FNDC1: variants seen among roughly 807,000 people sequenced by gnomAD.
FNDC1 encodes the protein fibronectin type III domain containing 1.
In FNDC1, 96 loss-of-function variants were observed where a neutral mutation model predicts 168.0. That is an observed-to-expected ratio of 0.57 (90% CI 0.48 to 0.68). The LOEUF (loss-of-function observed/expected upper bound fraction) is 0.68, where lower values mean the gene tolerates loss of function less well. Ranked by LOEUF, FNDC1 falls within the 30% of genes least tolerant of loss-of-function variation. FNDC1 has a pLI of 0.00. For synonymous variants in FNDC1, 1,099 were observed against 1,025.9 expected (o/e 1.07, Z -1.36); for missense variants, 2,587 against 2,482.1 (o/e 1.04, Z -0.90).
rs762034692 is a variant in FNDC1 at position 159,215,200 on chromosome 6, C to A, written c.667+49C>A. 6 of 1,528,342 alleles carry A rather than the reference C, an allele frequency of 3.9e-6. No individual in the cohort carries two copies. In the Admixed American group the frequency reaches 5.1e-5, roughly 13 times the overall value. The allele number at this position is 1,528,342 out of a possible 1,614,324, so 94.7% of individuals were successfully genotyped here. A position where few individuals can be genotyped will look rare whatever the true frequency, so the allele number is the denominator to read the frequency against. Reference sequence around the variant, plus strand: ...TCAATGTTTCCATGGTCTTTGGGATCATTTCAATATTTAGAAGCTCATTCA... The same window carrying A: ...TCAATGTTTCCATGGTCTTTGGGATAATTTCAATATTTAGAAGCTCATTCA... On this transcript the variant is annotated intron_variant, in intron 5 of 22. Transcript: ENST00000297267.
rs768828545 is a variant in FNDC1 at position 159,251,445 on chromosome 6, C to T, written c.4978C>T (p.Arg1660Cys). 29 of 1,613,806 alleles carry T rather than the reference C, an allele frequency of 1.8e-5. 1 individual carries two copies. The highest frequency in any genetic ancestry group is 8.8e-5 in the South Asian group (8 of 91,050). The change falls in exon 17 of 23, where the codon CGC (arginine) becomes TGC (cysteine). Residue 1660 changes from arginine (R) to cysteine (C), a missense_variant. Arg to Cys is a radical substitution (Grantham distance 180, BLOSUM62 -3). Coordinates refer to ENST00000297267, the MANE Select transcript of FNDC1 (RefSeq NM_032532.3). Reference protein sequence around the residue: ...KSDLPPQHAPRNITVVAVEGC... With the variant: ...KSDLPPQHAPCNITVVAVEGC... Reference sequence around the variant, plus strand: ...TGACCTGCCTCCCCAGCATGCTCCCCGCAACATCACCGTGGTGGCCGTGGA... The same window carrying T: ...TGACCTGCCTCCCCAGCATGCTCCCTGCAACATCACCGTGGTGGCCGTGGA...
Position 159,216,454 on chromosome 6 carries a change from C to A in FNDC1, c.667+1303C>A, listed in dbSNP as rs141285557. On this transcript the variant is annotated intron_variant, in intron 5 of 22. Coordinates refer to ENST00000297267, the MANE Select transcript of FNDC1 (RefSeq NM_032532.3). ...GGAGGGAGTTCTGATCTTTGCAGGC[C>A]GTATTCATCCATAAGCCTGGATAGC... Among the ~76,000 whole-genome samples, 12 of 152,260 alleles carry A rather than the reference C, an allele frequency of 7.9e-5. No individual in the cohort carries two copies. The East Asian group carries it at 1.7e-3, about 22-fold the overall frequency.
intron 2 of FNDC1, among the ~76,000 whole-genome samples, chr6:159,197,953 C>T (rs970270240): frequency 1.4e-4 from 22 of 152,322 alleles, no homozygotes; most frequent in Admixed American, 1.2e-3. Context: ...TGCTAGACAA[C>T]TGAGTGGGCT....
chr6:159,207,548 T>TTCA (rs746211985), intron 4 of FNDC1, among the ~76,000 whole-genome samples: 28 of 152,232 alleles, frequency 1.8e-4, no homozygotes, highest in Non-Finnish European at 4.0e-4. Flanking sequence ...GGTGTGGGTC[T>TTCA]GTGATACCTC....
chr6:159,207,944 G>A (rs1460289474), intron 4 of FNDC1, among the ~76,000 whole-genome samples: 2 of 152,202 alleles, frequency 1.3e-5, no homozygotes, highest in South Asian at 2.1e-4. Context: ...GGCCATCTCT[G>A]TGTTATACTG....
rs2115009757 is a variant in FNDC1, at chr6:159,246,923, T to C, written c.4644T>C (p.Thr1548=). The C allele has an allele frequency of 6.2e-7, 1 of 1,613,256 alleles. No homozygotes were observed. The highest frequency in any genetic ancestry group is 8.5e-7 in the Non-Finnish European group (1 of 1,179,194). Residue 1548 remains threonine, a synonymous_variant, in exon 15 of 23, where the codon ACT becomes ACC. Transcript: ENST00000297267. Reference sequence around the variant, plus strand: ...TAGATGAGTTCTCAGGCTTGGAGACTGACACTGCAGTACCTACGGAAGAGG... The same window carrying C: ...TAGATGAGTTCTCAGGCTTGGAGACCGACACTGCAGTACCTACGGAAGAGG... ...AEEDEFSGLE[T]DTAVPTEEAY... is the part of the protein sequence containing the mutation.
chr6:159,267,576 A>G (rs1265000253), intron 21 of FNDC1, among the ~76,000 whole-genome samples: 1 of 152,164 alleles, frequency 6.6e-6, no homozygotes, highest in African/African-American at 2.4e-5. Flanking sequence ...TGTAATTCCA[A>G]CTTACTGGAC....
chr6:159,232,986 T>G lies in FNDC1; in HGVS notation c.2474T>G (p.Phe825Cys). 6.2e-7 allele frequency: 1 copy of G among 1,612,188 alleles called. No homozygotes were observed. ...TTCCATTTGCTCAGACACAAACCCT[T>G]TGCTGCCAACGGGAGGTCTCCAAGC... ...GHFHLLRHKP[F>C]AANGRSPSRF... The change falls in exon 11 of 23, where the codon TTT becomes TGT. Residue 825 changes from phenylalanine to cysteine, a missense_variant. Physicochemically the swap from Phe to Cys is radical, Grantham distance 205. Transcript: ENST00000297267. This position sits in a 1 kb window ranked among gnomAD's most constrained non-coding sequence, Gnocchi z 4.9.
intron 19 of FNDC1, among the ~76,000 whole-genome samples, chr6:159,262,926 A>G (rs1777515446): frequency 6.6e-6 from 1 of 152,236 alleles, no homozygotes; most frequent in Non-Finnish European, 1.5e-5. Flanking sequence ...AGTTTATTCA[A>G]GTTTCTCCTT....
At chr6:159,170,294 C>G (rs946630870) in intron 1 of FNDC1, among the ~76,000 whole-genome samples, 1 of 152,166 alleles carries the variant, frequency 6.6e-6, no homozygotes, top group African/African-American at 2.4e-5. Context: ...AACGTTCAAG[C>G]TGGGAGAAAA....
chr6:159,227,644 CTCTT>C (rs1329035566), intron 9 of FNDC1, among the ~76,000 whole-genome samples: 1 of 106,220 alleles, frequency 9.4e-6, no homozygotes, highest in African/African-American at 5.4e-5. Context: ...ATTCTTCTTT[CTCTT>C]TTTTTTTTTT....
At chr6:159,251,175 G>A (rs1254135045) in intron 16 of FNDC1, 127 bp from the exon 17 acceptor site, 2 of 671,488 alleles carry the variant, frequency 3.0e-6, no homozygotes, top group Admixed American at 2.6e-5. Flanking sequence ...TGGCATCAAG[G>A]CTGATGGAGC....
intron 13 of FNDC1, 34 bp downstream of exon 13, chr6:159,238,699 T>G (rs746680451): frequency 3.7e-6 from 5 of 1,362,978 alleles, no homozygotes; most frequent in Non-Finnish European, 5.1e-6. Flanking sequence ...AATAAAAGCC[T>G]ACTGAATTAG....
At chr6:159,217,316 G>A (rs1044575516) in intron 5 of FNDC1, among the ~76,000 whole-genome samples, 2 of 152,154 alleles carry the variant, frequency 1.3e-5, no homozygotes, top group Non-Finnish European at 2.9e-5. Flanking sequence ...GAAGCCCGGC[G>A]AGCCCACACT....
chr6:159,263,208 C>T (rs1777524860), intron 19 of FNDC1, among the ~76,000 whole-genome samples: 1 of 152,128 alleles, frequency 6.6e-6, no homozygotes, highest in Non-Finnish European at 1.5e-5. Flanking sequence ...AAGCATTTGA[C>T]ACTTATGGCC....
Position 159,231,983 on chromosome 6 carries a change from C to A in FNDC1, c.1471C>A (p.Pro491Thr). The stretch of plus-strand genomic sequence containing the variant: ...CAGAGCTCCAGCTTCCTCCCAACAC[C>A]CCTCTGTGCCTGCTTCTCCCCAAGG... The part of the protein sequence containing the change: ...SPRAPASSQH[P>T]SVPASPQGRN... Residue 491 changes from proline (P) to threonine (T), a missense_variant, in exon 11 of 23, where the codon CCC (proline) becomes ACC (threonine). By Grantham distance (38) the Pro-to-Thr change is conservative. Coordinates refer to ENST00000297267, the MANE Select transcript of FNDC1 (RefSeq NM_032532.3). 6.2e-7 allele frequency: 1 copy of A among 1,613,976 alleles called. No individual in the cohort carries two copies. Among genetic ancestry groups the A allele is most frequent in the Non-Finnish European group, 8.5e-7 (1 of 1,179,902 alleles).
intron 15 of FNDC1, among the ~76,000 whole-genome samples, chr6:159,248,025 C>T (rs1034065401): frequency 7.2e-5 from 11 of 152,196 alleles, no homozygotes; most frequent in African/African-American, 1.7e-4. Context: ...ACTGTGCAAA[C>T]AATGTCACCT....
chr6:159,199,405 A>G (rs766374904), intron 2 of FNDC1, among the ~76,000 whole-genome samples: 1 of 152,196 alleles, frequency 6.6e-6, no homozygotes, highest in Non-Finnish European at 1.5e-5. Context: ...ACTCCAGGAT[A>G]TATATATTTT....
At chr6:159,176,841 T>G (rs1435563927) in intron 1 of FNDC1, among the ~76,000 whole-genome samples, 2 of 152,222 alleles carry the variant, frequency 1.3e-5, no homozygotes, top group Non-Finnish European at 2.9e-5. Flanking sequence ...TGTTTGGGGC[T>G]TCTTCTATAT....
Sources: gnomAD v4.1 joint callset for allele counts (sites outside exome capture counted in the v4.1 genomes callset) on GRCh38, gnomAD v4.1.1 for gene constraint, Gnocchi (gnomAD v3.1) non-coding constraint, MANE v1.5 for transcripts, NCBI Gene and HGNC (gene_info 2026-07-23, HGNC 2026-07-21) for gene names.